Variants in LRRK1 observed in about 807,000 individuals in gnomAD.
LRRK1 encodes the protein leucine rich repeat kinase 1.
In LRRK1, 113 loss-of-function variants were observed where a neutral mutation model predicts 209.1. The observed-to-expected ratio is 0.54, with a 90% CI of 0.46 to 0.63. The LOEUF (loss-of-function observed/expected upper bound fraction) is 0.63. Ranked by LOEUF, LRRK1 falls within the 30% of genes least tolerant of loss-of-function variation. The pLI is 0.00. For missense variants in LRRK1, 2,284 were observed against 2,632.2 expected, an observed-to-expected ratio of 0.87 and a Z score of 2.89; for synonymous variants, 1,144 against 1,099.7, an observed-to-expected ratio of 1.04 and a Z score of -0.80.
intron 29 of LRRK1, among the ~76,000 whole-genome samples, chr15:101,058,617 C>CGGGGAGGGGGGGGGGG: frequency 1.3e-5 from 1 of 75,356 alleles, no homozygotes; most frequent in South Asian, 4.2e-4. Flanking sequence ...GAAGGGGCAA[C>CGGGGAGGGGGGGGGGG]GGGGGGGGGC....
chr15:100,959,389 C>G (rs1324903006), intron 2 of LRRK1, among the ~76,000 whole-genome samples: 1 of 152,170 alleles, frequency 6.6e-6, no homozygotes. Flanking sequence ...GTCCAGGACC[C>G]AGGTCAGACC....
At chr15:100,926,682 T>TTC (rs1185298251) in intron 2 of LRRK1, among the ~76,000 whole-genome samples, 25 of 30,706 alleles carry the variant, frequency 8.1e-4, no homozygotes, top group African/African-American at 4.1e-3. Context: ...CTTTTTTTCT[T>TTC]TTTTTTTTTT....
At chr15:101,034,711 T>C (rs955040279) in intron 20 of LRRK1, among the ~76,000 whole-genome samples, 1 of 152,150 alleles carries the variant, frequency 6.6e-6, no homozygotes, top group African/African-American at 2.4e-5. Context: ...TTGTTCTTTT[T>C]GCTCAGGATT....
chr15:101,056,249 C>G (rs1289758078), intron 27 of LRRK1, among the ~76,000 whole-genome samples: 1 of 152,208 alleles, frequency 6.6e-6, no homozygotes, highest in Admixed American at 6.5e-5. Context: ...CCAGGAGACG[C>G]TCCTTTTTTT....
At chr15:101,011,986 T>G in intron 9 of LRRK1, 22 bp from the exon 10 acceptor site, 1 of 1,566,844 alleles carries the variant, frequency 6.4e-7, no homozygotes, top group South Asian at 1.2e-5. Context: ...ATATACATTT[T>G]TTTTTCTCGT....
Position 101,014,343 on chromosome 15 carries a change from A to T in LRRK1, c.1447A>T (p.Asn483Tyr), listed in dbSNP as rs1456270070. The change falls in exon 11 of 34, where the codon AAC becomes TAC. Residue 483 changes from asparagine to tyrosine, a missense_variant. Physicochemically the swap from Asn to Tyr is moderately radical, Grantham distance 143. Transcript: ENST00000388948. ...DALMFLRLQG[N>Y]QLAALPPQEK... ...CCTCATGTTCTTGAGGTTACAGGGG[A>T]ACCAGCTGGCGGCACTTCCACCTCA... The T allele has an allele frequency of 1.2e-6, 2 of 1,613,648 alleles. No homozygotes were observed.
At chr15:101,005,554 C>A (rs113061599) in intron 6 of LRRK1, among the ~76,000 whole-genome samples, 19 of 152,274 alleles carry the variant, frequency 1.2e-4, no homozygotes, top group South Asian at 4.1e-4. Context: ...AGCAGTGACA[C>A]CCCAGCGGTG....
intron 31 of LRRK1, among the ~76,000 whole-genome samples, chr15:101,063,236 C>T (rs985575581): frequency 1.3e-5 from 2 of 152,216 alleles, no homozygotes; most frequent in Non-Finnish European, 2.9e-5. Flanking sequence ...GGGGCACTCT[C>T]CCCATTAAAG....
rs1441019674 is a variant in LRRK1, at chr15:100,919,537, C to G, written c.-123+86C>G. On this transcript the variant is annotated intron_variant, in intron 1 of 33. Coordinates refer to ENST00000388948, the MANE Select transcript of LRRK1 (RefSeq NM_024652.6). The surrounding 1 kb of genome is among the most constrained non-coding windows in gnomAD (Gnocchi z 5.8). ...GAACCCAGAGCCCGCGCCCGGCGCC[C>G]GCGGGGAGCCTCGGCCTCTGCCTGC... 1 of 147,162 alleles carries G rather than the reference C, an allele frequency of 6.8e-6. No homozygotes were observed. The highest frequency in any genetic ancestry group is 1.5e-5 in the Non-Finnish European group (1 of 66,124). The allele number at this position is 147,162 out of a possible 1,614,324, so 9.1% of individuals were successfully genotyped here.
chr15:100,989,684 A>T, intron 6 of LRRK1: 1 of 558,014 alleles, frequency 1.8e-6, no homozygotes, highest in Non-Finnish European at 3.2e-6. Context: ...CAATCCATTT[A>T]TGAGGGTGGG....
chr15:101,023,380 T>C (rs2033885044), intron 15 of LRRK1, among the ~76,000 whole-genome samples: 1 of 152,190 alleles, frequency 6.6e-6, no homozygotes. Context: ...TTGCTTTCCA[T>C]TCAGTGCCAG....
At chr15:101,056,454 T>C (rs2035801459) in intron 27 of LRRK1, among the ~76,000 whole-genome samples, 1 of 151,970 alleles carries the variant, frequency 6.6e-6, no homozygotes, top group South Asian at 2.1e-4. Flanking sequence ...GATGGGACAA[T>C]GGGCAAATGG....
intron 6 of LRRK1, among the ~76,000 whole-genome samples, chr15:100,992,005 G>A (rs1266484126): frequency 6.6e-6 from 1 of 152,086 alleles, no homozygotes; most frequent in Non-Finnish European, 1.5e-5. Flanking sequence ...TTTGATAGAT[G>A]TTGACTCAAC....
At chr15:101,016,681 G>A (rs2141702649) in intron 12 of LRRK1, among the ~76,000 whole-genome samples, 1 of 152,328 alleles carries the variant, frequency 6.6e-6, no homozygotes, top group African/African-American at 2.4e-5. Flanking sequence ...GTCCCAGGTT[G>A]TGTGGCTGCT....
intron 12 of LRRK1, among the ~76,000 whole-genome samples, chr15:101,017,878 C>T (rs530083610): frequency 3.3e-5 from 5 of 151,598 alleles, no homozygotes; most frequent in African/African-American, 7.3e-5. Context: ...GGACAAAACA[C>T]GATACTAGAT....
chr15:100,933,248 A>G (rs1210102877), intron 2 of LRRK1, among the ~76,000 whole-genome samples: 1 of 152,102 alleles, frequency 6.6e-6, no homozygotes, highest in Non-Finnish European at 1.5e-5. Flanking sequence ...TTTCCCTTTC[A>G]GAAGCTTTCA....
chr15:101,057,050 G>A lies in LRRK1; in HGVS notation c.4527G>A (p.Lys1509=). Residue 1509 remains lysine, a splice_region_variant and synonymous_variant, in exon 28 of 34, where the codon AAG becomes AAA. Coordinates refer to ENST00000388948, the MANE Select transcript of LRRK1 (RefSeq NM_024652.6). ...MMECWDTKPE[K]RPLALSVVSQ... is the part of the protein sequence containing the mutation. Reference sequence around the variant, plus strand: ...AGTGCTGGGACACTAAGCCAGAGAAGGTACTTGGGGACACAGAGCCCAGGG... The same window carrying A: ...AGTGCTGGGACACTAAGCCAGAGAAAGTACTTGGGGACACAGAGCCCAGGG... 1 of 1,597,104 alleles carries A rather than the reference G, an allele frequency of 6.3e-7. No individual in the cohort carries two copies. The highest frequency in any genetic ancestry group is 8.5e-7 in the Non-Finnish European group (1 of 1,170,904).
At chr15:101,025,204 C>T (rs1417421607) in intron 16 of LRRK1, among the ~76,000 whole-genome samples, 1 of 152,192 alleles carries the variant, frequency 6.6e-6, no homozygotes, top group Non-Finnish European at 1.5e-5. Context: ...CCCTTGGATC[C>T]AAAAGCAGAG....
chr15:100,924,728 C>T lies in LRRK1; in HGVS notation c.96C>T (p.Asn32=), dbSNP rs758883605. 1.1e-5 allele frequency: 17 copies of T among 1,613,130 alleles called. No individual in the cohort carries two copies. The Admixed American group carries it at 1.8e-4, about 17-fold the overall frequency. ...VCPERAMETL[N]GAGDTGGKPS... ...CAGAACGTGCCATGGAGACGCTTAA[C>T]GGTAAGGACAGGGCTGTGCTTATGC... The change falls in exon 2 of 34, where the codon AAC becomes AAT. Residue 32 remains asparagine, a splice_region_variant and synonymous_variant. Transcript: ENST00000388948.
Sources: gnomAD v4.1 joint callset for allele counts (sites outside exome capture counted in the v4.1 genomes callset) on GRCh38, gnomAD v4.1.1 for gene constraint, Gnocchi (gnomAD v3.1) non-coding constraint, MANE v1.5 for transcripts, NCBI Gene and HGNC (gene_info 2026-07-23, HGNC 2026-07-21) for gene names.